PEX14: variants seen among roughly 807,000 people sequenced by gnomAD.
PEX14 encodes peroxisomal membrane protein PEX14.
In PEX14, 15 loss-of-function variants were observed where a neutral mutation model predicts 49.5. The ratio of observed to expected loss-of-function variants is 0.30; its 90% CI spans 0.20 to 0.47. PEX14 has a LOEUF of 0.47. Ranked by LOEUF, PEX14 falls within the 20% of genes least tolerant of loss-of-function variation. PEX14 has a pLI of 1.00. For synonymous variants in PEX14, 210 were observed against 212.7 expected (o/e 0.99, Z 0.11); for missense variants, 398 against 494.8 (o/e 0.80, Z 1.86).
At chr1:10,561,898 C>G (rs901253703) in intron 3 of PEX14, among the ~76,000 whole-genome samples, 1 of 152,078 alleles carries the variant, frequency 6.6e-6, no homozygotes, top group Non-Finnish European at 1.5e-5. Context: ...ATTATGTACT[C>G]TTTAGTTCAG....
At chr1:10,625,069 C>T (rs1013741868) in intron 7 of PEX14, among the ~76,000 whole-genome samples, 1 of 152,204 alleles carries the variant, frequency 6.6e-6, no homozygotes, top group Non-Finnish European at 1.5e-5. Flanking sequence ...TGACCACAGG[C>T]AAGTTACTTA....
chr1:10,625,651 G>C (rs141021657), intron 7 of PEX14, among the ~76,000 whole-genome samples: 5 of 152,310 alleles, frequency 3.3e-5, no homozygotes, highest in South Asian at 4.1e-4. Context: ...ACGGGTGGCC[G>C]GTCCCTAAAG....
At chr1:10,493,091 C>T (rs6697070) in intron 1 of PEX14, among the ~76,000 whole-genome samples, 9,057 of 152,202 alleles carry the variant, frequency 0.06, 915 homozygotes, top group African/African-American at 0.2. Flanking sequence ...GTGCGTCTGT[C>T]AGGGGGCAGA....
At chr1:10,475,138 C>G in intron 1 of PEX14, 136 bp downstream of exon 1, 1 of 792,488 alleles carries the variant, frequency 1.3e-6, no homozygotes, top group East Asian at 2.7e-5. Flanking sequence ...CTCCTGAGCC[C>G]CGCCCCTCCC....
At chr1:10,621,954 G>A (rs1448898020) in intron 5 of PEX14, among the ~76,000 whole-genome samples, 3 of 152,090 alleles carry the variant, frequency 2.0e-5, no homozygotes, top group Non-Finnish European at 4.4e-5. Flanking sequence ...TTATCCCCGG[G>A]CAGCTCCTGC....
intron 2 of PEX14, among the ~76,000 whole-genome samples, chr1:10,496,815 C>T (rs1392514299): frequency 2.6e-5 from 4 of 151,944 alleles, no homozygotes; most frequent in African/African-American, 9.7e-5. Flanking sequence ...AGTCTTCAAA[C>T]CCTAGTAGCC....
chr1:10,596,165 T>C (rs577630751), intron 3 of PEX14, among the ~76,000 whole-genome samples: 13 of 152,344 alleles, frequency 8.5e-5, no homozygotes, highest in Non-Finnish European at 2.9e-5. Flanking sequence ...TCAGTCTCCC[T>C]AAGTTCCAAA....
At position 10,630,254 on chromosome 1, in the gene PEX14, A is replaced by G. The variant is rs1641885584; in HGVS notation, c.*267A>G. The G allele has an allele frequency of 1.7e-6, 1 of 580,490 alleles. No individual in the cohort carries two copies. The highest frequency in any genetic ancestry group is 3.0e-6 in the Non-Finnish European group (1 of 330,210). The allele number at this position is 580,490 out of a possible 1,614,324, so 36.0% of individuals were successfully genotyped here. A position where few individuals can be genotyped will look rare whatever the true frequency, so the allele number is the denominator to read the frequency against. On this transcript the variant is annotated 3_prime_UTR_variant, in exon 9 of 9. Coordinates refer to ENST00000356607, the MANE Select transcript of PEX14 (RefSeq NM_004565.3). The surrounding 1 kb of genome is among the most constrained non-coding windows in gnomAD (Gnocchi z 4.1). ...TTTGATCTCAAGTCAGGCTGAAGGC[A>G]GCGAAGCCTCGGGGCCCAAGCCCCT...
chr1:10,624,921 A>T (rs1269734524), intron 7 of PEX14, among the ~76,000 whole-genome samples: 1 of 152,124 alleles, frequency 6.6e-6, no homozygotes, highest in Non-Finnish European at 1.5e-5. Flanking sequence ...CTCAGGTTCC[A>T]TGGGTTCTGG....
chr1:10,621,875 T>C (rs1252966064), intron 5 of PEX14, among the ~76,000 whole-genome samples: 2 of 152,184 alleles, frequency 1.3e-5, no homozygotes, highest in African/African-American at 4.8e-5. Context: ...CCTTCCCTGG[T>C]ACAGAAACCG....
intron 3 of PEX14, among the ~76,000 whole-genome samples, chr1:10,593,020 G>A (rs1640716349): frequency 6.6e-6 from 1 of 152,206 alleles, no homozygotes; most frequent in Non-Finnish European, 1.5e-5. Flanking sequence ...AGTGGAACAA[G>A]CCTGCCAGTT....
chr1:10,536,843 T>C (rs920076396), intron 3 of PEX14, among the ~76,000 whole-genome samples: 4 of 152,240 alleles, frequency 2.6e-5, no homozygotes, highest in Non-Finnish European at 5.9e-5. Context: ...CAATATTGTC[T>C]GAAGAGACAA....
chr1:10,504,231 A>C (rs919243629), intron 2 of PEX14, among the ~76,000 whole-genome samples: 20 of 151,850 alleles, frequency 1.3e-4, no homozygotes, highest in African/African-American at 4.6e-4. Context: ...CCTTTCTTTT[A>C]TGGTTTGTAG....
At chr1:10,581,236 G>A (rs938836889) in intron 3 of PEX14, among the ~76,000 whole-genome samples, 3 of 151,796 alleles carry the variant, frequency 2.0e-5, no homozygotes, top group Non-Finnish European at 4.4e-5. Flanking sequence ...AATCCCATGA[G>A]GGCAGAATGA....
intron 3 of PEX14, among the ~76,000 whole-genome samples, chr1:10,583,862 G>T (rs1479149405): frequency 6.6e-6 from 1 of 152,120 alleles, no homozygotes; most frequent in East Asian, 1.9e-4. Context: ...AGTTGTGTCT[G>T]GCAAATTCCA....
intron 3 of PEX14, among the ~76,000 whole-genome samples, chr1:10,585,050 G>A (rs1640439751): frequency 6.6e-6 from 1 of 152,164 alleles, no homozygotes; most frequent in African/African-American, 2.4e-5. Flanking sequence ...GTAAGTAAAG[G>A]ATATATTGTG....
intron 1 of PEX14, among the ~76,000 whole-genome samples, chr1:10,480,333 C>A (rs1166606296): frequency 1.3e-5 from 2 of 151,516 alleles, no homozygotes; most frequent in Non-Finnish European, 2.9e-5. Flanking sequence ...GCTTCACCTG[C>A]CTCAGCCTCC....
chr1:10,480,081 A>C (rs957275999), intron 1 of PEX14, among the ~76,000 whole-genome samples: 4 of 152,180 alleles, frequency 2.6e-5, no homozygotes, highest in Non-Finnish European at 5.9e-5. Context: ...TGTGAAGAGC[A>C]CCTGCTGCAT....
chr1:10,548,611 T>C (rs893954256), intron 3 of PEX14, among the ~76,000 whole-genome samples: 2 of 152,252 alleles, frequency 1.3e-5, no homozygotes, highest in African/African-American at 4.8e-5. Context: ...TCTGTAATTG[T>C]ATGAATACGG....
Sources: allele counts gnomAD v4.1 joint callset (sites outside exome capture counted in the v4.1 genomes callset), GRCh38; gene constraint gnomAD v4.1.1; non-coding constraint Gnocchi (gnomAD v3.1); transcripts MANE v1.5; gene names NCBI Gene and HGNC (gene_info 2026-07-23, HGNC 2026-07-21).